The following ZSCAN18 variants were observed in gnomAD, a reference collection of about 807,000 sequenced individuals.
ZSCAN18 encodes the protein zinc finger and SCAN domain-containing protein 18.
Under a neutral mutation model 31.1 loss-of-function variants are expected in ZSCAN18, and 16 were observed. The observed-to-expected ratio is 0.51, with a 90% CI of 0.35 to 0.78. The LOEUF (loss-of-function observed/expected upper bound fraction) is 0.78, where lower values mean the gene tolerates loss of function less well. ZSCAN18 is among the 30% of genes least tolerant of loss of function. The pLI, the probability that ZSCAN18 is intolerant of heterozygous loss-of-function variation, is 0.01. For missense variants in ZSCAN18, 731 were observed against 697.4 expected (o/e 1.05, Z -0.54); for synonymous variants, 375 against 320.7 (o/e 1.17, Z -1.81).
upstream of ZSCAN18, among the ~76,000 whole-genome samples, chr19:58,099,838 G>A (rs982457242): frequency 2.0e-5 from 3 of 151,944 alleles, no homozygotes; most frequent in African/African-American, 4.8e-5. Flanking sequence ...TCCCTTAATT[G>A]CTAACAAGTT....
intron 1 of ZSCAN18, chr19:58,092,321 TC>T (rs1201483122): frequency 2.0e-5 from 3 of 152,170 alleles, no homozygotes; most frequent in Non-Finnish European, 4.4e-5. Context: ...ACGCCTGTAA[TC>T]CCGGCACTTT....
At chr19:58,086,558 G>A in intron 5 of ZSCAN18, 2 of 460,446 alleles carry the variant, frequency 4.3e-6, no homozygotes, top group South Asian at 3.8e-5. Flanking sequence ...CTAAAAGGAG[G>A]GTTTCTGGGG....
chr19:58,084,550 G>A lies in ZSCAN18; in HGVS notation c.*135C>T. On this transcript the variant is annotated 3_prime_UTR_variant, in exon 7 of 7. Coordinates refer to ENST00000601144, the MANE Select transcript of ZSCAN18 (RefSeq NM_001145543.2). This position sits in a 1 kb window ranked among gnomAD's most constrained non-coding sequence, Gnocchi z 4.5. ...GTTGGGAGCGCTTAGCCTCAGGAGC[G>A]GATTCAGGGCACAGGCAGAGGACGT... 1.1e-6 allele frequency: 1 copy of A among 871,356 alleles called. No homozygotes were observed. The highest frequency in any genetic ancestry group is 2.3e-5 in the South Asian group (1 of 43,612). The allele number at this position is 871,356 out of a possible 1,614,324, so 54.0% of individuals were successfully genotyped here.
chr19:58,106,770 T>G (rs956732163), intron 1 of ZSCAN18, among the ~76,000 whole-genome samples: 17 of 97,082 alleles, frequency 1.8e-4, no homozygotes, highest in Non-Finnish European at 2.8e-4. Context: ...TGTTTTTTTG[T>G]TTTTTTTTGA....
At chr19:58,107,527 C>T in intron 1 of ZSCAN18, 1 of 453,594 alleles carries the variant, frequency 2.2e-6, no homozygotes, top group South Asian at 9.3e-5. Context: ...CACTACTGCA[C>T]TGCAGCCTGG....
intron 1 of ZSCAN18, among the ~76,000 whole-genome samples, chr19:58,095,552 C>A (rs2074504155): frequency 6.6e-6 from 1 of 152,202 alleles, no homozygotes; most frequent in African/African-American, 2.4e-5. Context: ...CAGATCCCAG[C>A]CAGCTCCCCC....
intron 3 of ZSCAN18, 66 bp from the exon 4 acceptor site, chr19:58,087,470 A>G: frequency 6.9e-7 from 1 of 1,457,604 alleles, no homozygotes; most frequent in Non-Finnish European, 9.4e-7. Context: ...TCAAGGGTCA[A>G]GGAGCCCCCG....
chr19:58,096,667 A>G (rs1181477890), intron 1 of ZSCAN18, among the ~76,000 whole-genome samples: 1 of 152,096 alleles, frequency 6.6e-6, no homozygotes, highest in Non-Finnish European at 1.5e-5. Flanking sequence ...CACCACACTC[A>G]TCGGCAGGGT....
At chr19:58,102,584 T>C (rs556659390), upstream of ZSCAN18, among the ~76,000 whole-genome samples, 53 of 152,300 alleles carry the variant, frequency 3.5e-4, no homozygotes, top group Non-Finnish European at 7.1e-4. Context: ...ACACAGGCTA[T>C]AAGAAAGAAG....
upstream of ZSCAN18, among the ~76,000 whole-genome samples, chr19:58,100,964 T>C (rs2074588372): frequency 6.6e-6 from 1 of 152,204 alleles, no homozygotes; most frequent in Non-Finnish European, 1.5e-5. Flanking sequence ...CTATCTTTCC[T>C]GCATTGAATA....
chr19:58,091,215 C>A (rs963443454), intron 1 of ZSCAN18, among the ~76,000 whole-genome samples: 3 of 149,666 alleles, frequency 2.0e-5, no homozygotes, highest in Non-Finnish European at 4.4e-5. Context: ...TTGCAGTAAG[C>A]CGAGACTGCG....
At chr19:58,115,617 G>A (rs1026166662) in intron 1 of ZSCAN18, among the ~76,000 whole-genome samples, 1 of 152,138 alleles carries the variant, frequency 6.6e-6, no homozygotes, top group Admixed American at 6.6e-5. Context: ...GTTAGTATAA[G>A]AAATGCCACA....
At chr19:58,092,704 G>T (rs1317899811) in intron 1 of ZSCAN18, 2 of 983,736 alleles carry the variant, frequency 2.0e-6, no homozygotes, top group African/African-American at 3.5e-5. Flanking sequence ...TTCTACACAA[G>T]CTTCCACTTA....
In ZSCAN18 at chr19:58,084,822, CCTT is replaced by C. The variant is rs779172201; in HGVS notation, c.1393_1395del (p.Lys465del). 2.3e-5 allele frequency: 37 copies of C among 1,593,632 alleles called. No individual in the cohort carries two copies. The highest frequency in any genetic ancestry group is 5.2e-5 in the Admixed American group (3 of 57,622). ...GCGCCCCCCAGCGCGTAGCTTTTCT[CCTT>C]CTCGTGGGTCTTCTGGTGCTCGGCT... On this transcript the variant is annotated inframe_deletion, in exon 7 of 7. Coordinates refer to ENST00000601144, the MANE Select transcript of ZSCAN18 (RefSeq NM_001145543.2). The surrounding 1 kb of genome is among the most constrained non-coding windows in gnomAD (Gnocchi z 4.5).
rs533665319 is a variant in ZSCAN18, at chr19:58,111,289, T to C, written c.130+6978A>G. Reference sequence around the variant, plus strand: ...TTGCACCATCCACATGCTCTTGTCTTGGACTTGTCATTCAACAGTAGCTCT... The same window carrying C: ...TTGCACCATCCACATGCTCTTGTCTCGGACTTGTCATTCAACAGTAGCTCT... On this transcript the variant is annotated intron_variant, in intron 1 of 1. Coordinates refer to the ZSCAN18 transcript ENST00000595721. Among the ~76,000 whole-genome samples the C allele has an allele frequency of 2.0e-5, 3 of 152,308 alleles. No homozygotes were observed. The South Asian group carries it at 6.2e-4, about 32-fold the overall frequency.
At chr19:58,089,785 A>G in intron 2 of ZSCAN18, 80 bp downstream of exon 2, 1 of 1,503,402 alleles carries the variant, frequency 6.7e-7, no homozygotes, top group Non-Finnish European at 8.9e-7. Flanking sequence ...TATCTCAGGC[A>G]AGCCATGGCT....
chr19:58,095,951 G>C (rs1195046056), intron 1 of ZSCAN18, among the ~76,000 whole-genome samples: 2 of 152,152 alleles, frequency 1.3e-5, no homozygotes, highest in African/African-American at 4.8e-5. Flanking sequence ...CCTTCCTACT[G>C]GGACCCTGAT....
chr19:58,109,278 C>T, intron 1 of ZSCAN18: 2 of 1,231,704 alleles, frequency 1.6e-6, no homozygotes, highest in Non-Finnish European at 2.0e-6. Context: ...CAAGTTGATG[C>T]TTCCATTTGA....
At chr19:58,116,361 A>AC (rs2074729974) in intron 1 of ZSCAN18, among the ~76,000 whole-genome samples, 1 of 151,406 alleles carries the variant, frequency 6.6e-6, no homozygotes, top group Admixed American at 6.6e-5. Flanking sequence ...CTGAACACGT[A>AC]CTGTATGCCA....
Sources: gnomAD v4.1 joint callset for allele counts (sites outside exome capture counted in the v4.1 genomes callset) on GRCh38, gnomAD v4.1.1 for gene constraint, Gnocchi (gnomAD v3.1) non-coding constraint, MANE v1.5 for transcripts, NCBI Gene and HGNC (gene_info 2026-07-23, HGNC 2026-07-21) for gene names.